TAF2: variants seen among roughly 807,000 people sequenced by gnomAD.
The protein encoded by TAF2 is transcription initiation factor TFIID subunit 2.
Under a neutral mutation model 138.5 loss-of-function variants are expected in TAF2, and 61 were observed. The ratio of observed to expected loss-of-function variants is 0.44; its 90% CI spans 0.36 to 0.54. The LOEUF (loss-of-function observed/expected upper bound fraction) is 0.54, where lower values mean the gene tolerates loss of function less well. TAF2 is among the 20% of genes least tolerant of loss of function. The pLI, the probability that TAF2 is intolerant of heterozygous loss-of-function variation, is 0.00. For missense variants in TAF2, 1,090 were observed against 1,427.9 expected (o/e 0.76, Z 3.81); for synonymous variants, 475 against 469.9 (o/e 1.01, Z -0.14).
At chr8:119,786,988 G>C (rs1823058064) in intron 14 of TAF2, among the ~76,000 whole-genome samples, 1 of 152,142 alleles carries the variant, frequency 6.6e-6, no homozygotes, top group Admixed American at 6.5e-5. Flanking sequence ...TCAGGACAGA[G>C]GCATGGGCAA....
Position 119,803,906 on chromosome 8 carries a change from A to G in TAF2, c.532T>C (p.Phe178Leu). The change falls in exon 5 of 26, where the codon TTC becomes CTC. Residue 178 changes from phenylalanine to leucine, a missense_variant. Phe to Leu is a conservative substitution (Grantham distance 22, BLOSUM62 0). Transcript: ENST00000378164. Reference sequence around the variant, plus strand: ...GTAGAATTTTGATACCCACAAGAGAAAACATGAGCACCTCTCTCTGCCATA... The same window carrying G: ...GTAGAATTTTGATACCCACAAGAGAGAACATGAGCACCTCTCTCTGCCATA... ...GSMAERGAHV[F>L]SCGYQNSTRF... The G allele has an allele frequency of 1.9e-6, 3 of 1,613,940 alleles. No homozygotes were observed. Among genetic ancestry groups the G allele is most frequent in the Non-Finnish European group, 2.5e-6 (3 of 1,179,926 alleles).
At chr8:119,832,356 C>A in intron 1 of TAF2, 126 bp downstream of exon 1, 1 of 829,506 alleles carries the variant, frequency 1.2e-6, no homozygotes, top group East Asian at 2.6e-5. Flanking sequence ...CCATTTCCAT[C>A]ACAGTGAGTA....
rs755641387 is a variant in TAF2 at position 119,791,396 on chromosome 8, A to G, written c.1341T>C (p.Ser447=). Reference sequence around the variant, plus strand: ...CAAGGTGGGCTTTACACTGAAACATACTGTAGTATTCCCAGGACAGTGTAT... The same window carrying G: ...CAAGGTGGGCTTTACACTGAAACATGCTGTAGTATTCCCAGGACAGTGTAT... The part of the protein sequence containing the change: ...HPHTLSWEYY[S]MFQCKAHLVM... Residue 447 remains serine (S), a synonymous_variant, in exon 11 of 26, where the codon AGT becomes AGC. Coordinates refer to ENST00000378164, the MANE Select transcript of TAF2 (RefSeq NM_003184.4). The G allele has an allele frequency of 6.2e-7, 1 of 1,613,868 alleles. No individual in the cohort carries two copies. The highest frequency in any genetic ancestry group is 2.2e-5 in the East Asian group (1 of 44,812).
intron 6 of TAF2, among the ~76,000 whole-genome samples, chr8:119,798,715 T>A (rs938179801): frequency 6.6e-6 from 1 of 152,056 alleles, no homozygotes; most frequent in Non-Finnish European, 1.5e-5. Flanking sequence ...TGCTAAAGAG[T>A]TCTAATTACT....
chr8:119,743,988 A>T (rs545296554), intron 24 of TAF2, among the ~76,000 whole-genome samples: 3 of 152,330 alleles, frequency 2.0e-5, no homozygotes, highest in African/African-American at 4.8e-5. Context: ...CTATGGTTAC[A>T]TGAAGTCAAG....
intron 3 of TAF2, among the ~76,000 whole-genome samples, chr8:119,813,053 C>T (rs1825207693): frequency 6.6e-6 from 1 of 152,162 alleles, no homozygotes; most frequent in African/African-American, 2.4e-5. Context: ...ACATTCTCAC[C>T]AGCAGTGTAT....
chr8:119,798,926 TAA>T (rs1026343370), intron 6 of TAF2, among the ~76,000 whole-genome samples: 4 of 152,006 alleles, frequency 2.6e-5, no homozygotes, highest in African/African-American at 9.7e-5. Context: ...TGTATGCAAA[TAA>T]AAAATACTAT....
intron 22 of TAF2, among the ~76,000 whole-genome samples, chr8:119,750,213 C>T (rs1435300636): frequency 5.3e-5 from 8 of 152,142 alleles, no homozygotes; most frequent in Non-Finnish European, 7.4e-5. Flanking sequence ...TGGTGGCAGG[C>T]GCCTGTAGTC....
chr8:119,750,096 G>A (rs1820246871), intron 22 of TAF2, among the ~76,000 whole-genome samples: 1 of 152,122 alleles, frequency 6.6e-6, no homozygotes, highest in Admixed American at 6.6e-5. Context: ...TATTAAAACT[G>A]ATCAACTAGG....
At chr8:119,770,276 A>G (rs1821741316) in intron 18 of TAF2, among the ~76,000 whole-genome samples, 1 of 152,138 alleles carries the variant, frequency 6.6e-6, no homozygotes, top group Non-Finnish European at 1.5e-5. Flanking sequence ...ATAATGATAC[A>G]AGACAAACCT....
At chr8:119,779,370 A>G (rs550222222) in intron 17 of TAF2, among the ~76,000 whole-genome samples, 72 of 152,282 alleles carry the variant, frequency 4.7e-4, no homozygotes, top group Non-Finnish European at 9.6e-4. Context: ...AAAAAAAATA[A>G]AAATAGAAAT....
At chr8:119,806,506 G>C in intron 3 of TAF2, 105 bp from the exon 4 acceptor site, 1 of 846,012 alleles carries the variant, frequency 1.2e-6, no homozygotes, top group Non-Finnish European at 1.8e-6. Flanking sequence ...GTCTCACTCT[G>C]TTGCCCAGGC....
chr8:119,788,591 A>C, intron 13 of TAF2, 144 bp from the exon 14 acceptor site: 1 of 780,782 alleles, frequency 1.3e-6, no homozygotes, highest in Non-Finnish European at 2.1e-6. Context: ...ATTGGTGCCA[A>C]AGAGGGCAAC....
chr8:119,795,385 T>C (rs1310571593), intron 9 of TAF2, 147 bp downstream of exon 9: 1 of 747,086 alleles, frequency 1.3e-6, no homozygotes, highest in Admixed American at 2.2e-5. Flanking sequence ...TTAGATAAAA[T>C]AGACCATTAG....
At chr8:119,772,514 G>A (rs1467313247) in intron 18 of TAF2, among the ~76,000 whole-genome samples, 1 of 152,076 alleles carries the variant, frequency 6.6e-6, no homozygotes, top group Non-Finnish European at 1.5e-5. Context: ...GTTACTACTC[G>A]GGTAATGGGT....
Position 119,795,548 on chromosome 8 carries a change from C to T in TAF2, c.1175G>A (p.Arg392His), listed in dbSNP as rs773854593. Residue 392 changes from arginine (R) to histidine (H), a missense_variant, in exon 9 of 26, where the codon CGC becomes CAC. By Grantham distance (29) the Arg-to-His change is conservative (BLOSUM62 0). Coordinates refer to ENST00000378164, the MANE Select transcript of TAF2 (RefSeq NM_003184.4). ...MKKTFGVNEY[R>H]HWIKEELDKI... ...TGTTATTACCTCTTTAATCCAATGG[C>T]GGTACTCATTAACACCAAAAGTTTT... 10 of 1,613,370 alleles carry T rather than the reference C, an allele frequency of 6.2e-6. No homozygotes were observed. The highest frequency in any genetic ancestry group is 1.1e-5 in the South Asian group (1 of 91,064).
chr8:119,791,307 T>C lies in TAF2; in HGVS notation c.1413+17A>G. On this transcript the variant is annotated intron_variant, in intron 11 of 25. Transcript: ENST00000378164. ...ATCTTTATTTACCATTGTTAAGTTC[T>C]TAACTTTAATACTTACTTGTAGCAT... is the stretch of plus-strand genomic sequence containing the variant. 1 of 1,612,274 alleles carries C rather than the reference T, an allele frequency of 6.2e-7. No homozygotes were observed. The highest frequency in any genetic ancestry group is 1.1e-5 in the South Asian group (1 of 90,978).
At position 119,788,878 on chromosome 8, in the gene TAF2, T is replaced by C; in HGVS notation, c.1595A>G (p.Tyr532Cys). The change falls in exon 13 of 26, where the codon TAT (tyrosine) becomes TGT (cysteine). Residue 532 changes from tyrosine (Y) to cysteine (C), a missense_variant. Tyr to Cys is a radical substitution (Grantham distance 194, BLOSUM62 -2). Transcript: ENST00000378164. ...WVDQSGVVKF[Y>C]GSFAFNRKRN... ...TTTTCTATTAAATGCAAAACTTCCA[T>C]AAAATTTTACCACTCCACTCTGATC... 1 of 1,613,346 alleles carries C rather than the reference T, an allele frequency of 6.2e-7. No individual in the cohort carries two copies. The highest frequency in any genetic ancestry group is 8.5e-7 in the Non-Finnish European group (1 of 1,179,352).
rs374975585 is a variant in TAF2 at position 119,801,854 on chromosome 8, C to T, written c.732G>A (p.Ala244=). The change falls in exon 6 of 26, where the codon GCG becomes GCA. Residue 244 remains alanine (A), a synonymous_variant. Coordinates refer to ENST00000378164, the MANE Select transcript of TAF2 (RefSeq NM_003184.4). ...FHYMLTIPTA[A]SNISLAIGPF... ...GTCCAATGGCCAAGGAGATATTTGA[C>T]GCTGCTGTAGGAATGGTAAGCATAT... 95 of 1,614,012 alleles carry T rather than the reference C, an allele frequency of 5.9e-5. No homozygotes were observed. Among genetic ancestry groups the T allele is most frequent in the Admixed American group, 4.7e-4 (28 of 59,986 alleles).
Sources: gnomAD v4.1 joint callset for allele counts (sites outside exome capture counted in the v4.1 genomes callset) on GRCh38, gnomAD v4.1.1 for gene constraint, MANE v1.5 for transcripts, NCBI Gene and HGNC (gene_info 2026-07-23, HGNC 2026-07-21) for gene names.